HMGA2: variants seen among roughly 807,000 people sequenced by gnomAD.
HMGA2 encodes the protein high mobility group AT-hook 2.
A neutral mutation model predicts 19.1 loss-of-function variants in HMGA2; 8 were observed. The ratio of observed to expected loss-of-function variants is 0.42; its 90% CI spans 0.25 to 0.76. The LOEUF (loss-of-function observed/expected upper bound fraction) is 0.76. HMGA2 is among the 30% of genes least tolerant of loss of function. HMGA2 has a pLI of 0.28. For missense variants in HMGA2, 109 were observed against 136.3 expected (o/e 0.80, Z 1.00); for synonymous variants, 60 against 48.8 (o/e 1.23, Z -0.96).
chr12:65,825,233 A>AAGCGGCTGC lies in HMGA2; in HGVS notation c.-31_-23dup, dbSNP rs974386122. The AAGCGGCTGC allele has an allele frequency of 1.3e-5, 19 of 1,498,456 alleles. No individual in the cohort carries two copies. The highest frequency in any genetic ancestry group is 1.7e-5 in the Non-Finnish European group (19 of 1,120,770). The allele number at this position is 1,498,456 out of a possible 1,614,324, so 92.8% of individuals were successfully genotyped here. On this transcript the variant is annotated 5_prime_UTR_variant, in exon 1 of 5. Transcript: ENST00000403681. This position sits in a 1 kb window ranked among gnomAD's most constrained non-coding sequence, Gnocchi z 4.4. Reference sequence around the variant, plus strand: ...GGGCAGCTCCGGGGCGGTCGAGGCGAAGCGGCTGCAGCGGCGGTAGCGGCG... The same window carrying AAGCGGCTGC: ...GGGCAGCTCCGGGGCGGTCGAGGCGAAGCGGCTGCAGCGGCTGCAGCGGCGGTAGCGGCG...
chr12:65,837,661 G>C (rs1360648690), intron 2 of HMGA2, among the ~76,000 whole-genome samples: 1 of 152,114 alleles, frequency 6.6e-6, no homozygotes, highest in Non-Finnish European at 1.5e-5. Flanking sequence ...ATGAAGATTG[G>C]ACTAGGGCTG....
At chr12:65,955,497 A>T (rs1876580901) in intron 4 of HMGA2, 1 of 151,894 alleles carries the variant, frequency 6.6e-6, no homozygotes, top group Non-Finnish European at 1.5e-5. Flanking sequence ...ACTTGAAGGG[A>T]CTCCCTAAAT....
intron 3 of HMGA2, chr12:65,851,798 T>A (rs1871484347): frequency 3.5e-6 from 1 of 287,756 alleles, no homozygotes; most frequent in Admixed American, 4.4e-5. Flanking sequence ...CGGTTCTGAA[T>A]GAGACTTCAA....
In HMGA2 at chr12:65,963,298, G is replaced by T; in HGVS notation, c.*6G>T. 1 of 1,612,998 alleles carries T rather than the reference G, an allele frequency of 6.2e-7. No homozygotes were observed. On this transcript the variant is annotated 3_prime_UTR_variant, in exon 5 of 5. Transcript: ENST00000403681. ...AGTCTGCCGAAGAGGACTAGGGGGC[G>T]CCAACGTTCGATTTCTACCTCAGCA...
At chr12:65,945,054 C>G (rs1478076458) in intron 3 of HMGA2, among the ~76,000 whole-genome samples, 1 of 149,826 alleles carries the variant, frequency 6.7e-6, no homozygotes, top group Non-Finnish European at 1.5e-5. Context: ...TTTTTTTTTA[C>G]TTAACCTCCC....
At chr12:65,945,284 T>C (rs1381278336) in intron 3 of HMGA2, among the ~76,000 whole-genome samples, 2 of 152,162 alleles carry the variant, frequency 1.3e-5, no homozygotes, top group African/African-American at 4.8e-5. Flanking sequence ...AGTTCATTTT[T>C]TGAAAAGTGA....
Position 65,964,886 on chromosome 12 carries a change from A to T in HMGA2, c.*1594A>T, listed in dbSNP as rs1380309080. On this transcript the variant is annotated 3_prime_UTR_variant, in exon 5 of 5. Coordinates refer to ENST00000403681, the MANE Select transcript of HMGA2 (RefSeq NM_003483.6). ...ACATCACACAAGATTTGACTGTAATATTTAAATATTACCCTCCAAGTCTGT... is the reference window on the plus strand; with the variant it reads ...ACATCACACAAGATTTGACTGTAATTTTTAAATATTACCCTCCAAGTCTGT... 2 of 191,512 alleles carry T rather than the reference A, an allele frequency of 1.0e-5. No homozygotes were observed. The highest frequency in any genetic ancestry group is 2.2e-5 in the Non-Finnish European group (2 of 91,164). 11.9% of individuals were successfully genotyped at this position (191,512 alleles called of 1,614,324 possible).
chr12:65,934,036 C>T (rs1163104813), intron 3 of HMGA2, among the ~76,000 whole-genome samples: 1 of 152,194 alleles, frequency 6.6e-6, no homozygotes. Context: ...CCTCAGCTTG[C>T]AGTAGCAGAA....
intron 3 of HMGA2, among the ~76,000 whole-genome samples, chr12:65,845,017 A>G (rs1377039638): frequency 6.6e-6 from 1 of 152,194 alleles, no homozygotes; most frequent in Non-Finnish European, 1.5e-5. Context: ...TGTATGTAAG[A>G]CTTTCCTTAC....
At chr12:65,946,705 G>T (rs1041987326) in intron 3 of HMGA2, among the ~76,000 whole-genome samples, 4 of 152,060 alleles carry the variant, frequency 2.6e-5, no homozygotes, top group African/African-American at 7.2e-5. Context: ...TTCTTAGGAG[G>T]GCTGAGGAAC....
chr12:65,860,927 G>A (rs1872025514), intron 3 of HMGA2, among the ~76,000 whole-genome samples: 1 of 152,194 alleles, frequency 6.6e-6, no homozygotes, highest in East Asian at 1.9e-4. Context: ...TACTAGGCCT[G>A]GTTCAGGGAC....
chr12:65,844,168 G>T (rs569688021), intron 3 of HMGA2, among the ~76,000 whole-genome samples: 2 of 151,890 alleles, frequency 1.3e-5, no homozygotes, highest in African/African-American at 4.8e-5. Context: ...AAATAACTTT[G>T]ATATGACATC....
intron 2 of HMGA2, 54 bp from the exon 3 acceptor site, chr12:65,838,465 A>T (rs1870832628): frequency 3.1e-6 from 4 of 1,300,988 alleles, no homozygotes; most frequent in Non-Finnish European, 4.5e-6. Flanking sequence ...TTGGTGCAGT[A>T]CTTATAAACA....
chr12:65,959,639 C>G (rs138622021), intron 4 of HMGA2, among the ~76,000 whole-genome samples: 1 of 152,132 alleles, frequency 6.6e-6, no homozygotes, highest in East Asian at 1.9e-4. Flanking sequence ...TTCCTGAAGC[C>G]CCATTCCAAC....
intron 3 of HMGA2, among the ~76,000 whole-genome samples, chr12:65,940,122 A>C (rs908007882): frequency 7.2e-5 from 11 of 152,212 alleles, no homozygotes; most frequent in South Asian, 2.1e-4. Context: ...AGAAAAAAAA[A>C]CAAAAATAAG....
intron 3 of HMGA2, among the ~76,000 whole-genome samples, chr12:65,939,114 TTCTTCCAGAAG>T (rs1875997241): frequency 6.6e-6 from 1 of 152,192 alleles, no homozygotes; most frequent in African/African-American, 2.4e-5. Flanking sequence ...GAATATTTAC[TTCTTCCAGAAG>T]ACTAGAAACA....
chr12:65,912,115 T>A (rs1874871654), intron 3 of HMGA2, among the ~76,000 whole-genome samples: 1 of 152,152 alleles, frequency 6.6e-6, no homozygotes, highest in Non-Finnish European at 1.5e-5. Flanking sequence ...CTCTTTACAA[T>A]CCCCAAACAC....
intron 3 of HMGA2, among the ~76,000 whole-genome samples, chr12:65,925,959 G>A (rs559752839): frequency 6.6e-6 from 1 of 152,136 alleles, no homozygotes; most frequent in South Asian, 2.1e-4. Flanking sequence ...TTGAGAGGGG[G>A]TATATTATGC....
chr12:65,883,227 A>G (rs1258985615), intron 3 of HMGA2, among the ~76,000 whole-genome samples: 4 of 152,232 alleles, frequency 2.6e-5, no homozygotes, highest in Non-Finnish European at 4.4e-5. Flanking sequence ...GAAAATGTTA[A>G]TGCTATGTGA....
Sources: allele counts gnomAD v4.1 joint callset (sites outside exome capture counted in the v4.1 genomes callset), GRCh38; gene constraint gnomAD v4.1.1; non-coding constraint Gnocchi (gnomAD v3.1); transcripts MANE v1.5; gene names NCBI Gene and HGNC (gene_info 2026-07-23, HGNC 2026-07-21).